The following MAPK14 variants were observed in gnomAD, a reference collection of about 807,000 sequenced individuals.
The protein encoded by MAPK14 is mitogen-activated protein kinase 14, also known as CSAID-binding protein.
In MAPK14, 16 loss-of-function variants were observed where a neutral mutation model predicts 49.6. The observed-to-expected ratio is 0.32, with a 90% confidence interval of 0.22 to 0.49. The LOEUF (loss-of-function observed/expected upper bound fraction) is 0.49, where lower values mean the gene tolerates loss of function less well. Ranked by LOEUF, MAPK14 falls within the 20% of genes least tolerant of loss-of-function variation. The pLI, the probability that MAPK14 is intolerant of heterozygous loss-of-function variation, is 0.99. For missense variants in MAPK14, 200 were observed against 441.2 expected (o/e 0.45, Z 4.90); for synonymous variants, 142 against 158.0 (o/e 0.90, Z 0.76).
At chr6:36,077,462 A>G (rs151082180) in intron 8 of MAPK14, among the ~76,000 whole-genome samples, 81 of 152,150 alleles carry the variant, frequency 5.3e-4, no homozygotes, top group African/African-American at 1.9e-3. Flanking sequence ...CCTCTGATCT[A>G]TTATGCCTAG....
chr6:36,090,086 C>T (rs1765157470), intron 8 of MAPK14, among the ~76,000 whole-genome samples: 1 of 152,164 alleles, frequency 6.6e-6, no homozygotes, highest in Non-Finnish European at 1.5e-5. Flanking sequence ...CCATCAGTTA[C>T]TGCCCTGGTC....
intron 3 of MAPK14, among the ~76,000 whole-genome samples, chr6:36,060,585 C>T (rs111811071): frequency 0.017 from 2,652 of 152,294 alleles, 78 homozygotes; most frequent in African/African-American, 0.06. Flanking sequence ...CAGGGCTGAA[C>T]CTAACCAGTT....
At chr6:36,030,124 T>C (rs1020647917) in intron 1 of MAPK14, among the ~76,000 whole-genome samples, 5 of 152,194 alleles carry the variant, frequency 3.3e-5, no homozygotes, top group Admixed American at 6.5e-5. Flanking sequence ...AATGGAGTGA[T>C]ACAGCAGAAT....
chr6:36,083,201 G>T (rs796947517), intron 8 of MAPK14, among the ~76,000 whole-genome samples: 2 of 152,350 alleles, frequency 1.3e-5, no homozygotes, highest in African/African-American at 4.8e-5. Context: ...GGAGAGTGAG[G>T]AAAAGCAGGG....
At chr6:36,091,854 T>C (rs533830372) in intron 8 of MAPK14, 35 of 175,352 alleles carry the variant, frequency 2.0e-4, no homozygotes, top group Non-Finnish European at 3.6e-4. Flanking sequence ...CTTTTTTTTT[T>C]TTTTTTCATT....
intron 8 of MAPK14, among the ~76,000 whole-genome samples, chr6:36,087,830 C>T (rs547289099): frequency 6.6e-6 from 1 of 152,242 alleles, no homozygotes; most frequent in South Asian, 2.1e-4. Flanking sequence ...ATAGCCCAAA[C>T]AATTCTAAGC....
chr6:36,104,138 C>T (rs775545625), intron 10 of MAPK14, among the ~76,000 whole-genome samples: 1 of 152,154 alleles, frequency 6.6e-6, no homozygotes, highest in South Asian at 2.1e-4. Flanking sequence ...TGGATGAGTT[C>T]GTGTCAGCCT....
intron 2 of MAPK14, 28 bp downstream of exon 2, chr6:36,052,856 A>AT: frequency 6.3e-7 from 1 of 1,586,892 alleles, no homozygotes; most frequent in South Asian, 1.1e-5. Flanking sequence ...GGAAGAATAC[A>AT]TTTTGATCTT....
At chr6:36,051,411 A>G (rs1441106836) in intron 1 of MAPK14, among the ~76,000 whole-genome samples, 1 of 152,044 alleles carries the variant, frequency 6.6e-6, no homozygotes, top group African/African-American at 2.4e-5. Flanking sequence ...CCTGGCGACG[A>G]TTTCTAAAAA....
At chr6:36,070,571 G>A (rs1391675945) in intron 3 of MAPK14, among the ~76,000 whole-genome samples, 2 of 152,224 alleles carry the variant, frequency 1.3e-5, no homozygotes, top group African/African-American at 2.4e-5. Flanking sequence ...TTCTTAAAAC[G>A]TTTCAGTCTC....
intron 1 of MAPK14, among the ~76,000 whole-genome samples, chr6:36,033,013 G>T (rs1357519758): frequency 6.6e-6 from 1 of 150,770 alleles, no homozygotes; most frequent in Non-Finnish European, 1.5e-5. Flanking sequence ...ATGAGCCAGG[G>T]CACAAAGAAA....
At chr6:36,057,643 C>CA (rs1160324947) in intron 2 of MAPK14, among the ~76,000 whole-genome samples, 1 of 151,988 alleles carries the variant, frequency 6.6e-6, no homozygotes, top group Non-Finnish European at 1.5e-5. Context: ...CACTTATACC[C>CA]AGGAGGCAGA....
At chr6:36,098,902 A>G (rs1186368401) in intron 9 of MAPK14, among the ~76,000 whole-genome samples, 1 of 152,240 alleles carries the variant, frequency 6.6e-6, no homozygotes, top group Non-Finnish European at 1.5e-5. Context: ...ATCATCTGGT[A>G]TGGATCTGTT....
At chr6:36,118,550 G>A in the MAPK14 span, among the ~76,000 whole-genome samples, 1 of 152,142 alleles carries the variant, frequency 6.6e-6, no homozygotes, top group African/African-American at 2.4e-5. Flanking sequence ...TGGCGTCCAG[G>A]GCTGCATGTC....
chr6:36,119,754 G>A, the MAPK14 span, among the ~76,000 whole-genome samples: 5 of 152,004 alleles, frequency 3.3e-5, no homozygotes, highest in African/African-American at 4.8e-5. Flanking sequence ...AACATTTTGC[G>A]ACGCACAGGA....
intron 10 of MAPK14, among the ~76,000 whole-genome samples, chr6:36,105,867 T>C (rs1765782693): frequency 6.6e-6 from 1 of 152,220 alleles, no homozygotes; most frequent in Non-Finnish European, 1.5e-5. Context: ...TAACTGGTTA[T>C]ATGGCAGTAT....
intron 1 of MAPK14, among the ~76,000 whole-genome samples, chr6:36,029,823 A>T (rs974974482): frequency 6.6e-6 from 1 of 151,960 alleles, no homozygotes; most frequent in African/African-American, 2.4e-5. Flanking sequence ...AGGAATTTGC[A>T]GCATTTTACA....
At chr6:36,121,990 T>C in the MAPK14 span, among the ~76,000 whole-genome samples, 3 of 152,248 alleles carry the variant, frequency 2.0e-5, no homozygotes, top group Admixed American at 1.3e-4. Flanking sequence ...TTAGTGCTCT[T>C]TCCATGTTTA....
rs374093445 is a variant in MAPK14 at position 36,083,906 on chromosome 6, C to T, written c.682+7298C>T. The stretch of plus-strand genomic sequence containing the variant: ...GCCTCTTGACTGGATGAGACCCCTC[C>T]AACAGGGGTCGCCAGACACCTTATG... On this transcript the variant is annotated intron_variant, in intron 8 of 11. Transcript: ENST00000229794. Among the ~76,000 whole-genome samples the T allele has an allele frequency of 1.7e-4, 26 of 152,272 alleles. No homozygotes were observed. The East Asian group carries it at 3.7e-3, about 22-fold the overall frequency.
Sources: allele counts gnomAD v4.1 joint callset (sites outside exome capture counted in the v4.1 genomes callset), GRCh38; gene constraint gnomAD v4.1.1; transcripts MANE v1.5; gene names NCBI Gene and HGNC (gene_info 2026-07-23, HGNC 2026-07-21).